Variants in DISC1 observed in about 807,000 individuals in gnomAD.
The protein encoded by DISC1 is DISC1 scaffold protein.
A neutral mutation model predicts 84.5 loss-of-function variants in DISC1; 57 were observed. The observed-to-expected ratio is 0.67, with a 90% CI of 0.55 to 0.84. DISC1 has a LOEUF of 0.84. Among genes scored for constraint, DISC1 ranks in the 40% least tolerant of loss-of-function variants. DISC1 has a pLI of 0.00. For synonymous variants in DISC1, 411 were observed against 415.2 expected (o/e 0.99, Z 0.12); for missense variants, 1,000 against 1,057.8 (o/e 0.95, Z 0.76).
chr1:231,865,017 T>C (rs899453106), intron 9 of DISC1, among the ~76,000 whole-genome samples: 26 of 152,140 alleles, frequency 1.7e-4, no homozygotes, highest in African/African-American at 6.0e-4. Flanking sequence ...GGAGCGGTAT[T>C]GGGCCCAGGT....
At chr1:231,928,132 A>G (rs889052712) in intron 9 of DISC1, among the ~76,000 whole-genome samples, 1 of 152,156 alleles carries the variant, frequency 6.6e-6, no homozygotes, top group Non-Finnish European at 1.5e-5. Context: ...TAGAGCAAAC[A>G]CCCATTCAGT....
At chr1:231,757,697 A>T (rs966417729) in intron 4 of DISC1, among the ~76,000 whole-genome samples, 1 of 152,118 alleles carries the variant, frequency 6.6e-6, no homozygotes, top group Admixed American at 6.5e-5. Context: ...TTCCTGTGGG[A>T]AGTTCATGTA....
At chr1:232,021,956 C>T (rs377170015) in intron 11 of DISC1, among the ~76,000 whole-genome samples, 1 of 152,070 alleles carries the variant, frequency 6.6e-6, no homozygotes, top group African/African-American at 2.4e-5. Flanking sequence ...ACAAACAGCC[C>T]GTCCATGTAG....
At position 232,031,482 on chromosome 1, in the gene DISC1, G is replaced by A. The variant is rs1670045153; in HGVS notation, c.2425+4930G>A. On this transcript the variant is annotated intron_variant, in intron 12 of 12. Transcript: ENST00000439617. This position sits in a 1 kb window ranked among gnomAD's most constrained non-coding sequence, Gnocchi z 4.6. The stretch of plus-strand genomic sequence containing the variant: ...GAAGGGAGAAGGGAAGGGAGCAAAA[G>A]GGAAGGAAAGAAAGAAAGGAAAGGA... 6.7e-6 allele frequency among the ~76,000 whole-genome samples: 1 copy of A among 149,842 alleles called. No homozygotes were observed. The highest frequency in any genetic ancestry group is 6.7e-5 in the Admixed American group (1 of 14,976).
intron 3 of DISC1, among the ~76,000 whole-genome samples, chr1:231,744,481 A>G (rs755199469): frequency 2.0e-4 from 31 of 152,204 alleles, no homozygotes; most frequent in Non-Finnish European, 3.4e-4. Context: ...TCTGCAGTTT[A>G]TTTAAAATTT....
intron 11 of DISC1, among the ~76,000 whole-genome samples, chr1:232,025,658 GCA>G (rs773557979): frequency 0.042 from 6,213 of 149,330 alleles, 134 homozygotes; most frequent in East Asian, 0.064. Context: ...GTGCAGTGGT[GCA>G]ATCTCGGCTC....
At chr1:231,955,730 T>C (rs984358242) in intron 9 of DISC1, among the ~76,000 whole-genome samples, 5 of 152,082 alleles carry the variant, frequency 3.3e-5, no homozygotes, top group African/African-American at 9.7e-5. Flanking sequence ...CCTCAGGTGA[T>C]CCGCCCACCT....
chr1:231,800,217 G>A lies in DISC1; in HGVS notation c.1792+7G>A. ...AAAATGCATGCCATATCAGGTAACTGGCAGTGTAGGAGACGTTGAAGCTAT... is the reference window on the plus strand; with the variant it reads ...AAAATGCATGCCATATCAGGTAACTAGCAGTGTAGGAGACGTTGAAGCTAT... On this transcript the variant is annotated splice_region_variant and intron_variant, in intron 8 of 12. Transcript: ENST00000439617. The A allele has an allele frequency of 1.9e-6, 3 of 1,607,202 alleles. No individual in the cohort carries two copies. The highest frequency in any genetic ancestry group is 8.5e-7 in the Non-Finnish European group (1 of 1,175,342).
At chr1:231,911,014 T>A (rs1184599956) in intron 9 of DISC1, among the ~76,000 whole-genome samples, 1 of 152,200 alleles carries the variant, frequency 6.6e-6, no homozygotes, top group Non-Finnish European at 1.5e-5. Flanking sequence ...TTTCTTTTGT[T>A]TTCCATTTGC....
intron 6 of DISC1, among the ~76,000 whole-genome samples, chr1:231,780,293 T>C (rs1268401801): frequency 6.6e-6 from 1 of 151,914 alleles, no homozygotes; most frequent in Non-Finnish European, 1.5e-5. Flanking sequence ...AAGCTCTCCT[T>C]TCTAAATTGA....
intron 3 of DISC1, among the ~76,000 whole-genome samples, chr1:231,726,901 G>A (rs1474291982): frequency 6.6e-6 from 1 of 152,164 alleles, no homozygotes; most frequent in East Asian, 1.9e-4. Flanking sequence ...ATAAGGGTCT[G>A]CAGTGAGATT....
At chr1:231,664,324 C>G (rs550063241) in intron 1 of DISC1, among the ~76,000 whole-genome samples, 17 of 152,246 alleles carry the variant, frequency 1.1e-4, no homozygotes, top group African/African-American at 3.9e-4. Flanking sequence ...TAAGTTCAAG[C>G]CTTTCATTAT....
chr1:231,867,776 G>A (rs1220773489), intron 9 of DISC1, among the ~76,000 whole-genome samples: 2 of 152,208 alleles, frequency 1.3e-5, no homozygotes, highest in African/African-American at 4.8e-5. Context: ...ATTACAAACT[G>A]AAGAACTGGA....
At chr1:231,932,501 A>G (rs1304858347) in intron 9 of DISC1, among the ~76,000 whole-genome samples, 1 of 152,184 alleles carries the variant, frequency 6.6e-6, no homozygotes, top group African/African-American at 2.4e-5. Context: ...ACAAATTAGG[A>G]AATGGAGCTT....
At chr1:231,841,945 A>T (rs1034608974) in intron 9 of DISC1, among the ~76,000 whole-genome samples, 6 of 152,320 alleles carry the variant, frequency 3.9e-5, no homozygotes, top group Admixed American at 3.3e-4. Context: ...ATACTTTGTA[A>T]TTATTTGTTT....
intron 8 of DISC1, among the ~76,000 whole-genome samples, chr1:231,814,089 GT>G (rs2080628538): frequency 6.6e-6 from 1 of 152,272 alleles, no homozygotes; most frequent in African/African-American, 2.4e-5. Context: ...TGCCTTTAAG[GT>G]GGGAAAACAT....
intron 9 of DISC1, among the ~76,000 whole-genome samples, chr1:231,830,743 G>A (rs1010590218): frequency 1.9e-4 from 29 of 152,192 alleles, no homozygotes; most frequent in Non-Finnish European, 3.2e-4. Context: ...GCTCAAATGG[G>A]CTGTACCCTG....
intron 3 of DISC1, among the ~76,000 whole-genome samples, chr1:231,725,701 C>G (rs1279878394): frequency 6.6e-6 from 1 of 152,238 alleles, no homozygotes; most frequent in South Asian, 2.1e-4. Context: ...AAGAACCTTC[C>G]TGGGATAAGC....
chr1:231,701,656 C>T (rs528173200), intron 2 of DISC1, among the ~76,000 whole-genome samples: 1 of 152,254 alleles, frequency 6.6e-6, no homozygotes, highest in South Asian at 2.1e-4. Context: ...TGTATTCCTT[C>T]TCATTATGCA....
Sources: gnomAD v4.1 joint callset for allele counts (sites outside exome capture counted in the v4.1 genomes callset) on GRCh38, gnomAD v4.1.1 for gene constraint, Gnocchi (gnomAD v3.1) non-coding constraint, MANE v1.5 for transcripts, NCBI Gene and HGNC (gene_info 2026-07-23, HGNC 2026-07-21) for gene names.